The following TP53I11 variants were observed in gnomAD, a reference collection of about 807,000 sequenced individuals.
TP53I11 encodes tumor protein p53 inducible protein 11, also known as tumor protein p53-inducible protein 11.
In TP53I11, 9 loss-of-function variants were observed where a neutral mutation model predicts 23.3. That is an observed-to-expected ratio of 0.39 (90% confidence interval 0.23 to 0.67). The LOEUF (loss-of-function observed/expected upper bound fraction) is 0.67. Ranked by LOEUF, TP53I11 falls within the 30% of genes least tolerant of loss-of-function variation. The pLI is 0.48. For missense variants in TP53I11, 170 were observed against 255.2 expected (o/e 0.67, Z 2.27); for synonymous variants, 100 against 106.1 (o/e 0.94, Z 0.35).
At chr11:44,942,809 G>T (rs115705869) in intron 1 of TP53I11, among the ~76,000 whole-genome samples, 3,594 of 152,100 alleles carry the variant, frequency 0.024, 137 homozygotes, top group African/African-American at 0.078. Flanking sequence ...CTCTGAGAAC[G>T]GCGCTCCACC....
chr11:44,935,454 C>A, intron 6 of TP53I11, 107 bp downstream of exon 6: 1 of 1,022,486 alleles, frequency 9.8e-7, no homozygotes, highest in East Asian at 2.5e-5. Flanking sequence ...TCCCTAGCCC[C>A]CCACAGACAG....
rs1862877719 is a variant in TP53I11, at chr11:44,950,767, G to C, written c.-122C>G. 1 of 151,914 alleles carries C rather than the reference G, an allele frequency of 6.6e-6. No individual in the cohort carries two copies. Among genetic ancestry groups the C allele is most frequent in the South Asian group, 2.0e-4 (1 of 5,050 alleles). The allele number at this position is 151,914 out of a possible 1,614,324, so 9.4% of individuals were successfully genotyped here. A position where few individuals can be genotyped will look rare whatever the true frequency, so the allele number is the denominator to read the frequency against. On this transcript the variant is annotated 5_prime_UTR_variant, in exon 1 of 7. Coordinates refer to ENST00000525680, the MANE Select transcript of TP53I11 (RefSeq NM_006034.5). ...CGCCTCACATCGCGCCGCCCGTGCC[G>C]GGCCGGGCAGTGCAGGGCAGGGCAG...
At chr11:44,949,394 G>A (rs1388245238) in intron 1 of TP53I11, among the ~76,000 whole-genome samples, 1 of 152,122 alleles carries the variant, frequency 6.6e-6, no homozygotes, top group East Asian at 1.9e-4. Context: ...CCGTCAAGAA[G>A]TTTGTTTGAA....
chr11:44,938,146 C>A, intron 2 of TP53I11, 61 bp downstream of exon 2: 2 of 1,552,638 alleles, frequency 1.3e-6, no homozygotes, highest in Non-Finnish European at 1.7e-6. Flanking sequence ...ACCTTCTCCC[C>A]TAATGGTGGG....
intron 1 of TP53I11, among the ~76,000 whole-genome samples, chr11:44,947,946 C>T (rs1312257815): frequency 6.6e-6 from 1 of 152,178 alleles, no homozygotes; most frequent in African/African-American, 2.4e-5. Flanking sequence ...GCCTCAGTTG[C>T]CCCCTTGACC....
intron 1 of TP53I11, chr11:44,940,888 A>G (rs1861685991): frequency 6.6e-6 from 1 of 152,146 alleles, no homozygotes; most frequent in African/African-American, 2.4e-5. Context: ...GTTCCTCCAC[A>G]TCCTCACCAA....
Position 44,938,226 on chromosome 11 carries a change from C to CCGA in TP53I11, c.109_110insTCG (p.Asp36_Gly37insVal). The CCGA allele has an allele frequency of 1.2e-6, 2 of 1,613,140 alleles. No homozygotes were observed. The highest frequency in any genetic ancestry group is 8.5e-7 in the Non-Finnish European group (1 of 1,179,748). On this transcript the variant is annotated inframe_insertion, in exon 2 of 7. Coordinates refer to ENST00000525680, the MANE Select transcript of TP53I11 (RefSeq NM_006034.5). Reference sequence around the variant, plus strand: ...CCCCACCTTGGAGCGATGCACCTCCCCGTCGTCATCCTCCCCGCCCACGCC... The same window carrying CCGA: ...CCCCACCTTGGAGCGATGCACCTCCCCGACGTCGTCATCCTCCCCGCCCACGCC...
intron 1 of TP53I11, among the ~76,000 whole-genome samples, chr11:44,949,265 C>T (rs921653269): frequency 1.3e-5 from 2 of 152,176 alleles, no homozygotes; most frequent in African/African-American, 4.8e-5. Context: ...ACCCCCGCGT[C>T]CCTGGGATCT....
At chr11:44,938,913 C>G (rs1285683524) in intron 1 of TP53I11, among the ~76,000 whole-genome samples, 1 of 152,188 alleles carries the variant, frequency 6.6e-6, no homozygotes, top group Non-Finnish European at 1.5e-5. Flanking sequence ...GGGGTGCCCT[C>G]ATACCCAGCA....
intron 1 of TP53I11, among the ~76,000 whole-genome samples, chr11:44,945,979 A>G (rs1862356001): frequency 1.3e-5 from 2 of 152,158 alleles, no homozygotes; most frequent in East Asian, 1.9e-4. Flanking sequence ...CCACTTGTCA[A>G]TGGCTGTACT....
At chr11:44,939,619 TTAAAA>T (rs1370658447) in intron 1 of TP53I11, among the ~76,000 whole-genome samples, 2 of 152,208 alleles carry the variant, frequency 1.3e-5, no homozygotes, top group Non-Finnish European at 2.9e-5. Flanking sequence ...TCCTGGTGTC[TTAAAA>T]TAAAGCACCC....
chr11:44,946,898 C>A, intron 1 of TP53I11: 1 of 403,542 alleles, frequency 2.5e-6, no homozygotes, highest in Non-Finnish European at 5.0e-6. Flanking sequence ...CCCGCCACCC[C>A]TCAGCCTGGA....
chr11:44,932,519 C>G lies in TP53I11; in HGVS notation c.*2365G>C, dbSNP rs553507477. The G allele has an allele frequency of 6.6e-6, 1 of 152,408 alleles. No individual in the cohort carries two copies. Among genetic ancestry groups the G allele is most frequent in the African/African-American group, 2.4e-5 (1 of 41,558 alleles). The allele number at this position is 152,408 out of a possible 1,614,324, so 9.4% of individuals were successfully genotyped here. A position where few individuals can be genotyped will look rare whatever the true frequency, so the allele number is the denominator to read the frequency against. ...GGCTGGAGGGAGCTGGGAGAAGAGG[C>G]GTTCCAGGTCACCCCAAACGGAGCG... On this transcript the variant is annotated 3_prime_UTR_variant, in exon 7 of 7. Coordinates refer to ENST00000525680, the MANE Select transcript of TP53I11 (RefSeq NM_006034.5).
At position 44,936,211 on chromosome 11, in the gene TP53I11, A is replaced by C; in HGVS notation, c.335-549T>G. On this transcript the variant is annotated intron_variant, in intron 5 of 6. Transcript: ENST00000525680. This position sits in a 1 kb window ranked among gnomAD's most constrained non-coding sequence, Gnocchi z 4.4. ...CACCCAGTGTCTGCTGGTACCAGAC[A>C]TGCCACTGGGTGTGCATTTATTTTA... 9.8e-7 allele frequency: 1 copy of C among 1,023,298 alleles called. No homozygotes were observed. The highest frequency in any genetic ancestry group is 5.6e-5 in the Admixed American group (1 of 17,836). The allele number at this position is 1,023,298 out of a possible 1,614,324, so 63.4% of individuals were successfully genotyped here. A position where few individuals can be genotyped will look rare whatever the true frequency, so the allele number is the denominator to read the frequency against.
At position 44,932,837 on chromosome 11, in the gene TP53I11, C is replaced by G. The variant is rs1438747186; in HGVS notation, c.*2047G>C. The G allele has an allele frequency of 6.6e-6, 1 of 152,344 alleles. No homozygotes were observed. The highest frequency in any genetic ancestry group is 1.5e-5 in the Non-Finnish European group (1 of 68,128). 9.4% of individuals were successfully genotyped at this position (152,344 alleles called of 1,614,324 possible). On this transcript the variant is annotated 3_prime_UTR_variant, in exon 7 of 7. Transcript: ENST00000525680. ...AAGGCCACGCCACCCTCCCATCCCACAGTTGAGTGTGGAAGACTGGATGTC... is the reference window on the plus strand; with the variant it reads ...AAGGCCACGCCACCCTCCCATCCCAGAGTTGAGTGTGGAAGACTGGATGTC...
chr11:44,941,316 G>A (rs947382216), intron 1 of TP53I11, among the ~76,000 whole-genome samples: 3 of 152,188 alleles, frequency 2.0e-5, no homozygotes, highest in Non-Finnish European at 4.4e-5. Context: ...TCTGTGAAAC[G>A]AAAACAGCCA....
chr11:44,946,155 A>G (rs918805439), intron 1 of TP53I11, among the ~76,000 whole-genome samples: 1 of 152,190 alleles, frequency 6.6e-6, no homozygotes, highest in Non-Finnish European at 1.5e-5. Context: ...TAGAGAGATA[A>G]TCTAGAAGTC....
Position 44,936,730 on chromosome 11 carries a change from G to T in TP53I11, c.334+73C>A. On this transcript the variant is annotated intron_variant, in intron 5 of 6. Transcript: ENST00000525680. This position sits in a 1 kb window ranked among gnomAD's most constrained non-coding sequence, Gnocchi z 4.4. ...AAGGGGTGCCCGGGCACGGACCCCCGTGCTCTCCTCAGCCCCGCTGGGTCT... is the reference window on the plus strand; with the variant it reads ...AAGGGGTGCCCGGGCACGGACCCCCTTGCTCTCCTCAGCCCCGCTGGGTCT... 7.1e-7 allele frequency: 1 copy of T among 1,399,214 alleles called. No homozygotes were observed. The highest frequency in any genetic ancestry group is 2.9e-5 in the East Asian group (1 of 35,086). The allele number at this position is 1,399,214 out of a possible 1,614,324, so 86.7% of individuals were successfully genotyped here. A position where few individuals can be genotyped will look rare whatever the true frequency, so the allele number is the denominator to read the frequency against.
Position 44,937,627 on chromosome 11 carries a change from G to T in TP53I11, c.130-14C>A. 1 of 1,612,818 alleles carries T rather than the reference G, an allele frequency of 6.2e-7. No individual in the cohort carries two copies. The highest frequency in any genetic ancestry group is 8.5e-7 in the Non-Finnish European group (1 of 1,179,858). ...GACCTGGCTGATCTGTGGACAGAGG[G>T]GGTCAGAGGCAACCAGGGTGAGGGC... is the stretch of plus-strand genomic sequence containing the variant. On this transcript the variant is annotated splice_polypyrimidine_tract_variant and intron_variant, in intron 2 of 6. Coordinates refer to ENST00000525680, the MANE Select transcript of TP53I11 (RefSeq NM_006034.5).
Sources: gnomAD v4.1 joint callset for allele counts (sites outside exome capture counted in the v4.1 genomes callset) on GRCh38, gnomAD v4.1.1 for gene constraint, Gnocchi (gnomAD v3.1) non-coding constraint, MANE v1.5 for transcripts, NCBI Gene and HGNC (gene_info 2026-07-23, HGNC 2026-07-21) for gene names.